The following RBSN variants were observed in gnomAD, a reference collection of about 807,000 sequenced individuals.
RBSN encodes the protein rabenosyn, RAB effector.
RBSN carries 34 observed loss-of-function variants against 60.5 expected under a neutral mutation model. That is an observed-to-expected ratio of 0.56 (90% CI 0.43 to 0.75). The LOEUF (loss-of-function observed/expected upper bound fraction) is 0.75, where lower values mean the gene tolerates loss of function less well. Ranked by LOEUF, RBSN falls within the 30% of genes least tolerant of loss-of-function variation. The probability of loss-of-function intolerance (pLI) is 0.00; values close to 1 mark genes in which losing one functional copy is unlikely to be tolerated. For synonymous variants in RBSN, 322 were observed against 366.9 expected, an observed-to-expected ratio of 0.88 and a Z score of 1.40; for missense variants, 845 against 986.8, an observed-to-expected ratio of 0.86 and a Z score of 1.92.
rs1222808545 is a variant in RBSN at position 15,074,927 on chromosome 3, C to G, written c.1210G>C (p.Ala404Pro). 1 of 1,607,078 alleles carries G rather than the reference C, an allele frequency of 6.2e-7. No homozygotes were observed. Among genetic ancestry groups the G allele is most frequent in the South Asian group, 1.1e-5 (1 of 90,430 alleles). ...TCAAGCCTTCGCTGGGACTCCAGGG[C>G]AGCCTGGGGAGAGAGCAAAGCAGAG... ...ERKRAVERQA[A>P]LESQRRLEER... Residue 404 changes from alanine to proline, a missense_variant, in exon 14 of 14, where the codon GCC (alanine) becomes CCC (proline). Transcript: ENST00000253699. This position sits in a 1 kb window ranked among gnomAD's most constrained non-coding sequence, Gnocchi z 6.4.
chr3:15,098,431 T>A (rs1575113699), intron 1 of RBSN, among the ~76,000 whole-genome samples, 157 bp from the exon 2 acceptor site: 1 of 115,220 alleles, frequency 8.7e-6, no homozygotes, highest in African/African-American at 3.5e-5. Flanking sequence ...AGCAAGCCCC[T>A]CGCACTCTAA....
intron 5 of RBSN, among the ~76,000 whole-genome samples, chr3:15,089,771 C>T (rs549797714): frequency 5.3e-5 from 8 of 152,078 alleles, no homozygotes; most frequent in South Asian, 2.1e-4. Flanking sequence ...CCACCACGCC[C>T]GGCTAATTTT....
intron 5 of RBSN, among the ~76,000 whole-genome samples, chr3:15,086,368 T>C (rs1187669206): frequency 6.6e-6 from 1 of 152,334 alleles, no homozygotes; most frequent in Admixed American, 6.5e-5. Flanking sequence ...ATCTGCTAAA[T>C]TGTTAACCGC....
intron 1 of RBSN, among the ~76,000 whole-genome samples, chr3:15,098,605 A>G (rs1420660251): frequency 6.6e-6 from 1 of 152,134 alleles, no homozygotes; most frequent in African/African-American, 2.4e-5. Context: ...AACCCACATA[A>G]CTAACATGAT....
chr3:15,094,718 G>T (rs2043605932), intron 4 of RBSN, among the ~76,000 whole-genome samples: 1 of 152,146 alleles, frequency 6.6e-6, no homozygotes, highest in Non-Finnish European at 1.5e-5. Flanking sequence ...GTTGTTTTTG[G>T]ATAGAAGTTA....
intron 4 of RBSN, 98 bp from the exon 5 acceptor site, chr3:15,090,637 CGTTT>C: frequency 6.7e-7 from 1 of 1,499,694 alleles, no homozygotes; most frequent in Non-Finnish European, 8.9e-7. Context: ...AAATAATTAT[CGTTT>C]GTTTAAAAAT....
chr3:15,097,928 C>T (rs6790401), intron 2 of RBSN, among the ~76,000 whole-genome samples, 191 bp downstream of exon 2: 5,133 of 152,184 alleles, frequency 0.034, 296 homozygotes, highest in African/African-American at 0.12. Flanking sequence ...ATATAGCAGC[C>T]CTAGGTCTGG....
intron 13 of RBSN, chr3:15,075,220 C>CGGCGG: frequency 3.5e-6 from 2 of 571,252 alleles, no homozygotes; most frequent in Non-Finnish European, 6.2e-6. Context: ...AGGTCTGTTC[C>CGGCGG]CCTCATCTAC....
chr3:15,086,250 G>T, intron 5 of RBSN: 1 of 284,168 alleles, frequency 3.5e-6, no homozygotes, highest in Non-Finnish European at 6.5e-6. Context: ...GTGACAGAGT[G>T]AGACCAACTT....
At position 15,084,229 on chromosome 3, in the gene RBSN, C is replaced by T. The variant is rs183774256; in HGVS notation, c.598+506G>A. Among the ~76,000 whole-genome samples, 5 of 152,334 alleles carry T rather than the reference C, an allele frequency of 3.3e-5. No individual in the cohort carries two copies. The highest frequency in any genetic ancestry group is 1.2e-4 in the African/African-American group (5 of 41,576). On this transcript the variant is annotated intron_variant, in intron 8 of 13. Coordinates refer to ENST00000253699, the MANE Select transcript of RBSN (RefSeq NM_022340.4). The surrounding 1 kb of genome is among the most constrained non-coding windows in gnomAD (Gnocchi z 4.2). Reference sequence around the variant, plus strand: ...CACCTCCCAGGTTCAAGCAATTCTCCTGCCTCAGCCTCCTGAGTAGCTAGG... The same window carrying T: ...CACCTCCCAGGTTCAAGCAATTCTCTTGCCTCAGCCTCCTGAGTAGCTAGG...
chr3:15,075,979 C>G (rs1040783422), intron 12 of RBSN, among the ~76,000 whole-genome samples: 1 of 152,028 alleles, frequency 6.6e-6, no homozygotes, highest in Non-Finnish European at 1.5e-5. Flanking sequence ...TTGTCCCTGC[C>G]CATCCTATTA....
At position 15,099,122 on chromosome 3, in the gene RBSN, G is replaced by T. The variant is rs982474873; in HGVS notation, c.-588C>A. 1 of 152,290 alleles carries T rather than the reference G, an allele frequency of 6.6e-6. No homozygotes were observed. The allele number at this position is 152,290 out of a possible 1,614,324, so 9.4% of individuals were successfully genotyped here. ...CACCGTCCGTCACTCAGCCGCAGCC[G>T]CCATCTCCATCGGTCGCTCGGAACT... On this transcript the variant is annotated 5_prime_UTR_variant, in exon 1 of 14. Transcript: ENST00000253699.
intron 13 of RBSN, chr3:15,075,148 G>A (rs2125152754): frequency 1.7e-6 from 1 of 604,324 alleles, no homozygotes; most frequent in Middle Eastern, 4.5e-4. Flanking sequence ...TAATGAATAA[G>A]TTAGGGCATC....
chr3:15,078,242 A>C, intron 10 of RBSN, 81 bp from the exon 11 acceptor site: 1 of 1,186,662 alleles, frequency 8.4e-7, no homozygotes, highest in Non-Finnish European at 1.3e-6. Context: ...CTAAAGGTGT[A>C]AGGCCTCACA....
At position 15,077,929 on chromosome 3, in the gene RBSN, C is replaced by T; in HGVS notation, c.998+146G>A. ...AAAGTCACTGAGATGCATTAAGTGCCAGAGCTGGCCCCTTCCTTGCCCTCC... is the reference window on the plus strand; with the variant it reads ...AAAGTCACTGAGATGCATTAAGTGCTAGAGCTGGCCCCTTCCTTGCCCTCC... On this transcript the variant is annotated intron_variant, in intron 11 of 13. Transcript: ENST00000253699. This position sits in a 1 kb window ranked among gnomAD's most constrained non-coding sequence, Gnocchi z 4.4. The T allele has an allele frequency of 1.5e-6, 1 of 651,286 alleles. No individual in the cohort carries two copies. Among genetic ancestry groups the T allele is most frequent in the East Asian group, 2.7e-5 (1 of 37,178 alleles). The allele number at this position is 651,286 out of a possible 1,614,324, so 40.3% of individuals were successfully genotyped here. A position where few individuals can be genotyped will look rare whatever the true frequency, so the allele number is the denominator to read the frequency against.
rs778466377 is a variant in RBSN, at chr3:15,071,194, C to G, written c.*2588G>C. 6.6e-6 allele frequency: 1 copy of G among 152,188 alleles called. No individual in the cohort carries two copies. The highest frequency in any genetic ancestry group is 1.5e-5 in the Non-Finnish European group (1 of 68,036). 9.4% of individuals were successfully genotyped at this position (152,188 alleles called of 1,614,324 possible). A position where few individuals can be genotyped will look rare whatever the true frequency, so the allele number is the denominator to read the frequency against. On this transcript the variant is annotated 3_prime_UTR_variant, in exon 14 of 14. Coordinates refer to ENST00000253699, the MANE Select transcript of RBSN (RefSeq NM_022340.4). Reference sequence around the variant, plus strand: ...AATGCTTTTAGTTACTTACAGATTGCTACCTGAGGTGATTTGAGGGAAGGG... The same window carrying G: ...AATGCTTTTAGTTACTTACAGATTGGTACCTGAGGTGATTTGAGGGAAGGG...
In RBSN at chr3:15,075,317, T is replaced by A. The variant is rs576975929; in HGVS notation, c.1206+289A>T. ...ATATGTTCTACAAGGAACTTCCTAATGTCTTGGTCCTCTGCAACTCCTGCC... is the reference window on the plus strand; with the variant it reads ...ATATGTTCTACAAGGAACTTCCTAAAGTCTTGGTCCTCTGCAACTCCTGCC... On this transcript the variant is annotated intron_variant, in intron 13 of 13. Coordinates refer to ENST00000253699, the MANE Select transcript of RBSN (RefSeq NM_022340.4). The A allele has an allele frequency of 2.8e-4, 173 of 627,986 alleles. 6 individuals carry two copies. Among genetic ancestry groups the A allele is most frequent in the South Asian group, 2.6e-3 (170 of 65,558 alleles). The allele number at this position is 627,986 out of a possible 1,614,324, so 38.9% of individuals were successfully genotyped here.
At position 15,089,470 on chromosome 3, in the gene RBSN, A is replaced by C. The variant is rs866447222; in HGVS notation, c.289+929T>G. 4.4e-4 allele frequency among the ~76,000 whole-genome samples: 49 copies of C among 110,292 alleles called. No homozygotes were observed. In the South Asian group the frequency reaches 0.011, roughly 24 times the overall value. The allele number at this position is 110,292 out of a possible 152,430, so 72.4% of individuals were successfully genotyped here. On this transcript the variant is annotated intron_variant, in intron 5 of 13. Coordinates refer to ENST00000253699, the MANE Select transcript of RBSN (RefSeq NM_022340.4). ...GACTCCATCTCCAAAAAAAAAAAAA[A>C]AAAAAAACAAAAAAAAAAAACAGAT...
At chr3:15,080,223 AAC>A (rs2043168995) in intron 10 of RBSN, among the ~76,000 whole-genome samples, 1 of 151,650 alleles carries the variant, frequency 6.6e-6, no homozygotes, top group Non-Finnish European at 1.5e-5. Context: ...CCAGCCTGGC[AAC>A]AGAGTGAGAC....
Sources: gnomAD v4.1 joint callset for allele counts (sites outside exome capture counted in the v4.1 genomes callset) on GRCh38, gnomAD v4.1.1 for gene constraint, Gnocchi (gnomAD v3.1) non-coding constraint, MANE v1.5 for transcripts, NCBI Gene and HGNC (gene_info 2026-07-23, HGNC 2026-07-21) for gene names.